CAMK1D: variants seen among roughly 807,000 people sequenced by gnomAD.
The protein encoded by CAMK1D is calcium/calmodulin dependent protein kinase ID.
A neutral mutation model predicts 47.7 loss-of-function variants in CAMK1D; 9 were observed. The ratio of observed to expected loss-of-function variants is 0.19; its 90% CI spans 0.11 to 0.33. The LOEUF is 0.33. Ranked by LOEUF, CAMK1D falls within the 10% of genes least tolerant of loss-of-function variation. The pLI, the probability that CAMK1D is intolerant of heterozygous loss-of-function variation, is 1.00. For missense variants in CAMK1D, 291 were observed against 488.7 expected, an observed-to-expected ratio of 0.60 and a Z score of 3.81; for synonymous variants, 184 against 184.9, an observed-to-expected ratio of 0.99 and a Z score of 0.04.
intron 1 of CAMK1D, among the ~76,000 whole-genome samples, chr10:12,434,325 G>A (rs553361165): frequency 2.4e-4 from 36 of 152,308 alleles, no homozygotes; most frequent in African/African-American, 8.4e-4. Context: ...AAGCCATTTG[G>A]CCTTTCCAAA....
chr10:12,477,081 C>T (rs138292534), intron 1 of CAMK1D, among the ~76,000 whole-genome samples: 18 of 152,146 alleles, frequency 1.2e-4, no homozygotes, highest in African/African-American at 3.4e-4. Flanking sequence ...CGCCAATGCC[C>T]GGGGCATGGG....
intron 1 of CAMK1D, among the ~76,000 whole-genome samples, chr10:12,416,194 GAAT>G (rs1468436300): frequency 1.3e-5 from 2 of 151,838 alleles, no homozygotes; most frequent in East Asian, 3.9e-4. Context: ...AGGAGATACA[GAAT>G]AATCTCTTTA....
intron 3 of CAMK1D, among the ~76,000 whole-genome samples, chr10:12,687,252 T>C (rs1459463824): frequency 6.6e-6 from 1 of 151,932 alleles, no homozygotes; most frequent in Admixed American, 6.6e-5. Context: ...CTATTCTCTT[T>C]GATTTATTGA....
intron 2 of CAMK1D, among the ~76,000 whole-genome samples, chr10:12,571,111 G>A (rs926082473): frequency 6.6e-6 from 1 of 152,084 alleles, no homozygotes; most frequent in Non-Finnish European, 1.5e-5. Flanking sequence ...TCTGAGTGTG[G>A]TCCTTAGACC....
chr10:12,549,644 G>C (rs1836513927), intron 1 of CAMK1D, among the ~76,000 whole-genome samples: 1 of 152,194 alleles, frequency 6.6e-6, no homozygotes, highest in Non-Finnish European at 1.5e-5. Context: ...AGGATCTTCT[G>C]ATGGAGACTC....
intron 2 of CAMK1D, among the ~76,000 whole-genome samples, chr10:12,587,167 A>G (rs952450740): frequency 6.6e-6 from 1 of 152,114 alleles, no homozygotes; most frequent in Non-Finnish European, 1.5e-5. Flanking sequence ...CTTTCCTTTT[A>G]AGGGAAAACA....
intron 1 of CAMK1D, among the ~76,000 whole-genome samples, chr10:12,498,466 G>C (rs904979446): frequency 3.9e-5 from 6 of 152,190 alleles, no homozygotes; most frequent in Non-Finnish European, 5.9e-5. Context: ...CACAGAGAGA[G>C]GTATTCAGGA....
chr10:12,824,362 T>A, intron 8 of CAMK1D, 103 bp from the exon 9 acceptor site: 3 of 986,862 alleles, frequency 3.0e-6, no homozygotes, highest in Non-Finnish European at 3.2e-6. Flanking sequence ...TGTCCACGAC[T>A]GAGCCTCGGC....
chr10:12,612,582 A>AAG (rs1838663462), intron 2 of CAMK1D, among the ~76,000 whole-genome samples: 1 of 152,010 alleles, frequency 6.6e-6, no homozygotes, highest in Admixed American at 6.5e-5. Flanking sequence ...TCAGAGCAAG[A>AAG]GTCAGTTGGA....
intron 2 of CAMK1D, among the ~76,000 whole-genome samples, chr10:12,591,972 G>A (rs562415777): frequency 2.9e-4 from 44 of 152,232 alleles, no homozygotes; most frequent in Non-Finnish European, 5.1e-4. Flanking sequence ...GATTACAGGC[G>A]TGAGCCACCA....
intron 2 of CAMK1D, among the ~76,000 whole-genome samples, chr10:12,637,657 A>G (rs554632785): frequency 2.6e-5 from 4 of 152,146 alleles, no homozygotes; most frequent in South Asian, 2.1e-4. Flanking sequence ...TAAGCATACA[A>G]TTGTGCAAAT....
chr10:12,742,341 T>C (rs1371800098), intron 3 of CAMK1D, among the ~76,000 whole-genome samples: 1 of 151,946 alleles, frequency 6.6e-6, no homozygotes, highest in Non-Finnish European at 1.5e-5. Flanking sequence ...CACCGTGTTG[T>C]CCAGGCTGGT....
chr10:12,647,393 C>T (rs545258138), intron 2 of CAMK1D, among the ~76,000 whole-genome samples: 8 of 152,136 alleles, frequency 5.3e-5, no homozygotes, highest in South Asian at 2.1e-4. Flanking sequence ...AAGTGACCCA[C>T]GTGCCTCGGC....
intron 3 of CAMK1D, among the ~76,000 whole-genome samples, chr10:12,737,701 A>G (rs1160487612): frequency 6.6e-6 from 1 of 152,198 alleles, no homozygotes; most frequent in Admixed American, 6.5e-5. Context: ...AAAATTATCA[A>G]TAATTGTGAT....
At chr10:12,565,734 T>A (rs1837102705) in intron 2 of CAMK1D, among the ~76,000 whole-genome samples, 1 of 152,156 alleles carries the variant, frequency 6.6e-6, no homozygotes. Context: ...AGATGAGGAA[T>A]TTGGACTTAT....
intron 1 of CAMK1D, among the ~76,000 whole-genome samples, chr10:12,491,867 G>C (rs1834394173): frequency 6.6e-6 from 1 of 152,094 alleles, no homozygotes; most frequent in Non-Finnish European, 1.5e-5. Context: ...GGTCACTGCA[G>C]CCTCCATCTC....
At chr10:12,543,407 A>G (rs1257123102) in intron 1 of CAMK1D, among the ~76,000 whole-genome samples, 1 of 152,200 alleles carries the variant, frequency 6.6e-6, no homozygotes, top group Non-Finnish European at 1.5e-5. Flanking sequence ...ACTGGAAAAG[A>G]TTATGAGAAA....
rs529216067 is a variant in CAMK1D at position 12,483,160 on chromosome 10, T to A, written c.93-70065T>A. Reference sequence around the variant, plus strand: ...CTACCCTGTGGGAGACTCCATTCTGTGTTTGTGGAGCATCATTCAGTCTCA... The same window carrying A: ...CTACCCTGTGGGAGACTCCATTCTGAGTTTGTGGAGCATCATTCAGTCTCA... On this transcript the variant is annotated intron_variant, in intron 1 of 10. Transcript: ENST00000619168. Among the ~76,000 whole-genome samples, 29 of 152,278 alleles carry A rather than the reference T, an allele frequency of 1.9e-4. 1 individual carries two copies. The highest frequency in any genetic ancestry group is 3.4e-3 in the Middle Eastern group (1 of 294).
intron 1 of CAMK1D, among the ~76,000 whole-genome samples, chr10:12,427,709 T>G (rs558859006): frequency 7.5e-5 from 8 of 107,012 alleles, no homozygotes; most frequent in African/African-American, 2.2e-4. Flanking sequence ...TGTTTTTTTT[T>G]TTTTTTTTTT....
Sources: gnomAD v4.1 joint callset for allele counts (sites outside exome capture counted in the v4.1 genomes callset) on GRCh38, gnomAD v4.1.1 for gene constraint, MANE v1.5 for transcripts, NCBI Gene and HGNC (gene_info 2026-07-23, HGNC 2026-07-21) for gene names.